TLK1: variants seen among roughly 807,000 people sequenced by gnomAD.
TLK1 encodes the protein tousled like kinase 1.
TLK1 carries 24 observed loss-of-function variants against 105.3 expected under a neutral mutation model. That is an observed-to-expected ratio of 0.23 (90% CI 0.17 to 0.32). TLK1 has a LOEUF of 0.32. Ranked by LOEUF, TLK1 falls within the 10% of genes least tolerant of loss-of-function variation. The pLI is 1.00. For synonymous variants in TLK1, 321 were observed against 310.4 expected, an observed-to-expected ratio of 1.03 and a Z score of -0.36; for missense variants, 558 against 910.5, an observed-to-expected ratio of 0.61 and a Z score of 4.98.
chr2:171,177,918 C>T (rs540898911), intron 1 of TLK1, among the ~76,000 whole-genome samples: 1 of 152,204 alleles, frequency 6.6e-6, no homozygotes, highest in African/African-American at 2.4e-5. Context: ...CTCAGCCCCC[C>T]AAGTAGCTGG....
chr2:171,153,693 CAG>C (rs1250221173), intron 1 of TLK1, among the ~76,000 whole-genome samples: 7 of 152,190 alleles, frequency 4.6e-5, no homozygotes, highest in Non-Finnish European at 2.9e-5. Flanking sequence ...GGGGCAGACA[CAG>C]GGGTCCCAGA....
At chr2:171,105,682 G>A (rs1214741483) in intron 2 of TLK1, among the ~76,000 whole-genome samples, 6 of 151,532 alleles carry the variant, frequency 4.0e-5, no homozygotes, top group East Asian at 3.9e-4. Flanking sequence ...GCGAGACTCC[G>A]TCTCGAAAAA....
intron 2 of TLK1, among the ~76,000 whole-genome samples, chr2:171,100,132 G>A (rs759252475): frequency 3.9e-5 from 6 of 151,944 alleles, no homozygotes; most frequent in Non-Finnish European, 8.8e-5. Context: ...ATATATGAAT[G>A]GAAAATAAGC....
chr2:171,230,457 G>A (rs1693975252), intron 1 of TLK1, among the ~76,000 whole-genome samples: 1 of 152,078 alleles, frequency 6.6e-6, no homozygotes, highest in Non-Finnish European at 1.5e-5. Context: ...CCAGTTTGAA[G>A]GCCCCTATAG....
chr2:171,136,761 T>C (rs1691344477), intron 1 of TLK1, among the ~76,000 whole-genome samples: 2 of 152,244 alleles, frequency 1.3e-5, no homozygotes, highest in African/African-American at 4.8e-5. Flanking sequence ...AACTTTCAAC[T>C]ACCTGGATAG....
intron 2 of TLK1, among the ~76,000 whole-genome samples, chr2:171,093,062 C>A (rs1365078296): frequency 1.3e-5 from 2 of 152,140 alleles, no homozygotes; most frequent in Non-Finnish European, 2.9e-5. Flanking sequence ...ATATGCCAGT[C>A]TCAAAATTAG....
intron 1 of TLK1, among the ~76,000 whole-genome samples, chr2:171,158,300 C>A (rs1692314671): frequency 6.6e-6 from 1 of 152,110 alleles, no homozygotes. Flanking sequence ...CATGAATTAA[C>A]AGAAACTCAC....
At chr2:171,201,738 C>G (rs1693401215) in intron 1 of TLK1, among the ~76,000 whole-genome samples, 1 of 152,204 alleles carries the variant, frequency 6.6e-6, no homozygotes, top group Non-Finnish European at 1.5e-5. Context: ...TTAAAGGGAG[C>G]TGTTCCATCA....
At chr2:171,187,609 G>A (rs147691408) in intron 1 of TLK1, among the ~76,000 whole-genome samples, 1 of 152,286 alleles carries the variant, frequency 6.6e-6, no homozygotes, top group African/African-American at 2.4e-5. Flanking sequence ...TCAAGTGTGA[G>A]ATAGTTTTTG....
chr2:171,063,245 C>G (rs1687839335), intron 3 of TLK1, among the ~76,000 whole-genome samples: 1 of 151,994 alleles, frequency 6.6e-6, no homozygotes, highest in Non-Finnish European at 1.5e-5. Flanking sequence ...ACTCGGGAGG[C>G]TGAAGCACAA....
chr2:171,076,160 G>A lies in TLK1; in HGVS notation c.330+6621C>T, dbSNP rs540401825. 2.3e-4 allele frequency among the ~76,000 whole-genome samples: 35 copies of A among 151,996 alleles called. No individual in the cohort carries two copies. The South Asian group carries it at 7.3e-3, about 32-fold the overall frequency. On this transcript the variant is annotated intron_variant, in intron 3 of 20. Coordinates refer to ENST00000431350, the MANE Select transcript of TLK1 (RefSeq NM_012290.5). ...TTGAACCCAGGAGGGGGAAGTTGCA[G>A]TGAGCCAAGATCATGCCACTGCACT...
intron 8 of TLK1, among the ~76,000 whole-genome samples, chr2:171,052,757 G>A (rs1394382069): frequency 6.6e-6 from 1 of 152,224 alleles, no homozygotes; most frequent in Non-Finnish European, 1.5e-5. Flanking sequence ...GTAAATGGGT[G>A]TGAGAAAGTA....
At chr2:171,105,087 G>C (rs1461401435) in intron 2 of TLK1, among the ~76,000 whole-genome samples, 11 of 152,122 alleles carry the variant, frequency 7.2e-5, no homozygotes, top group African/African-American at 2.2e-4. Context: ...TCAGGGCATT[G>C]GTCTAGGTTA....
chr2:171,220,939 A>G (rs889721587), intron 1 of TLK1, among the ~76,000 whole-genome samples: 3 of 152,158 alleles, frequency 2.0e-5, no homozygotes, highest in Admixed American at 6.5e-5. Context: ...TAATCCCAGC[A>G]CTTTGGGAAG....
intron 1 of TLK1, among the ~76,000 whole-genome samples, chr2:171,205,405 C>T (rs553335222): frequency 3.3e-5 from 5 of 151,858 alleles, no homozygotes; most frequent in African/African-American, 1.2e-4. Flanking sequence ...TTACTGCAGC[C>T]TTGACTACCC....
At chr2:171,025,640 T>C (rs927626336) in intron 12 of TLK1, among the ~76,000 whole-genome samples, 1 of 152,148 alleles carries the variant, frequency 6.6e-6, no homozygotes, top group Non-Finnish European at 1.5e-5. Context: ...CCCAGGAGCA[T>C]AGGGAGCTGA....
intron 2 of TLK1, among the ~76,000 whole-genome samples, chr2:171,105,249 G>A (rs1689868439): frequency 6.6e-6 from 1 of 152,202 alleles, no homozygotes; most frequent in African/African-American, 2.4e-5. Context: ...CTATTCATCT[G>A]AGAAGGGATT....
intron 1 of TLK1, among the ~76,000 whole-genome samples, chr2:171,182,935 AAAAGAAAG>A (rs750018547): frequency 7.1e-4 from 91 of 128,822 alleles, no homozygotes; most frequent in East Asian, 2.0e-3. Flanking sequence ...AAAAAAAAAA[AAAAGAAAG>A]AAAGAAAGAA....
At chr2:171,126,759 T>C (rs959464391) in intron 1 of TLK1, among the ~76,000 whole-genome samples, 2 of 151,994 alleles carry the variant, frequency 1.3e-5, no homozygotes, top group Admixed American at 6.6e-5. Context: ...AGATTTTAAC[T>C]GCTACTTTTC....
Sources: allele counts gnomAD v4.1 joint callset (sites outside exome capture counted in the v4.1 genomes callset), GRCh38; gene constraint gnomAD v4.1.1; transcripts MANE v1.5; gene names NCBI Gene and HGNC (gene_info 2026-07-23, HGNC 2026-07-21).